The following CDH13 variants were observed in gnomAD, a reference collection of about 807,000 sequenced individuals.
CDH13 encodes cadherin 13.
A neutral mutation model predicts 63.8 loss-of-function variants in CDH13; 24 were observed. The observed-to-expected ratio is 0.38, with a 90% confidence interval of 0.27 to 0.53. CDH13 has a LOEUF of 0.53. Ranked by LOEUF, CDH13 falls within the 20% of genes least tolerant of loss-of-function variation. The probability of loss-of-function intolerance (pLI) is 0.85; values close to 1 mark genes in which losing one functional copy is unlikely to be tolerated. For synonymous variants in CDH13, 503 were observed against 355.3 expected, an observed-to-expected ratio of 1.42 and a Z score of -4.67; for missense variants, 1,049 against 903.1, an observed-to-expected ratio of 1.16 and a Z score of -2.07.
intron 2 of CDH13, among the ~76,000 whole-genome samples, chr16:82,973,880 T>C (rs1294245229): frequency 6.6e-6 from 1 of 152,174 alleles, no homozygotes; most frequent in East Asian, 1.9e-4. Flanking sequence ...CTGTGTCACA[T>C]ACTCACACAC....
chr16:82,992,118 C>T (rs1911728516), intron 2 of CDH13, among the ~76,000 whole-genome samples: 1 of 152,162 alleles, frequency 6.6e-6, no homozygotes, highest in Non-Finnish European at 1.5e-5. Flanking sequence ...GACATGACTT[C>T]CTCATACTTT....
At chr16:83,102,627 A>G (rs1201910952) in intron 3 of CDH13, among the ~76,000 whole-genome samples, 1 of 152,164 alleles carries the variant, frequency 6.6e-6, no homozygotes, top group Non-Finnish European at 1.5e-5. Context: ...TCACGTTTCA[A>G]CAGGACCGCT....
chr16:83,448,734 C>A (rs1051053593), intron 6 of CDH13, among the ~76,000 whole-genome samples: 4 of 151,994 alleles, frequency 2.6e-5, no homozygotes, highest in Non-Finnish European at 5.9e-5. Flanking sequence ...GCAAGACAGC[C>A]CAGCTGGGGA....
chr16:82,960,239 A>G (rs1262905121), intron 2 of CDH13, among the ~76,000 whole-genome samples: 3 of 152,198 alleles, frequency 2.0e-5, no homozygotes, highest in African/African-American at 4.8e-5. Context: ...GATAAGGGAC[A>G]TATATTGATG....
chr16:83,688,769 C>G (rs1904562398), intron 10 of CDH13, among the ~76,000 whole-genome samples: 1 of 152,086 alleles, frequency 6.6e-6, no homozygotes, highest in Admixed American at 6.5e-5. Context: ...ATTTTATTGC[C>G]TATTCTGCTG....
chr16:83,117,371 C>A (rs145992487), intron 3 of CDH13, among the ~76,000 whole-genome samples: 2 of 150,712 alleles, frequency 1.3e-5, no homozygotes, highest in East Asian at 4.0e-4. Context: ...TCCTCCTGCC[C>A]CCTTGGCCCA....
chr16:83,257,544 C>G (rs141111334), intron 5 of CDH13, among the ~76,000 whole-genome samples: 100 of 152,240 alleles, frequency 6.6e-4, no homozygotes, highest in African/African-American at 2.3e-3. Context: ...CTCCATGAAT[C>G]TGTTAGGAAG....
intron 1 of CDH13, among the ~76,000 whole-genome samples, chr16:82,700,124 A>G (rs1363332196): frequency 6.6e-6 from 1 of 152,254 alleles, no homozygotes; most frequent in Non-Finnish European, 1.5e-5. Context: ...AGCATCAAAG[A>G]CAAATATGGC....
intron 8 of CDH13, among the ~76,000 whole-genome samples, chr16:83,663,988 C>T (rs553154951): frequency 2.5e-4 from 37 of 150,264 alleles, no homozygotes; most frequent in African/African-American, 8.6e-4. Flanking sequence ...AGTAGGACTC[C>T]CATCTCTACA....
chr16:82,967,097 A>G (rs754467984), intron 2 of CDH13, among the ~76,000 whole-genome samples: 9 of 152,172 alleles, frequency 5.9e-5, no homozygotes, highest in Non-Finnish European at 1.3e-4. Context: ...TGAAGATTAT[A>G]GGTTGGTTAG....
intron 2 of CDH13, among the ~76,000 whole-genome samples, chr16:82,987,168 T>A (rs946623797): frequency 2.6e-5 from 4 of 152,166 alleles, no homozygotes; most frequent in African/African-American, 9.7e-5. Flanking sequence ...TGCTCCCTCC[T>A]CTGTGGTCTT....
intron 7 of CDH13, among the ~76,000 whole-genome samples, chr16:83,491,038 A>G (rs1598143577): frequency 6.6e-6 from 1 of 152,216 alleles, no homozygotes; most frequent in African/African-American, 2.4e-5. Context: ...TTAAGTTTGT[A>G]TTATCTCAGA....
chr16:83,014,755 T>TAC (rs1306592465), intron 2 of CDH13, among the ~76,000 whole-genome samples: 3 of 45,044 alleles, frequency 6.7e-5, no homozygotes, highest in African/African-American at 1.8e-4. Flanking sequence ...TATATATATA[T>TAC]ATATATATAT....
chr16:83,673,686 A>G (rs963448672), intron 9 of CDH13, among the ~76,000 whole-genome samples: 2 of 152,216 alleles, frequency 1.3e-5, no homozygotes, highest in Non-Finnish European at 2.9e-5. Context: ...AAATGCTAGC[A>G]TATATAAGAA....
At chr16:83,498,316 C>A (rs533893047) in intron 7 of CDH13, among the ~76,000 whole-genome samples, 1 of 152,174 alleles carries the variant, frequency 6.6e-6, no homozygotes, top group African/African-American at 2.4e-5. Context: ...TGGGCTCATA[C>A]CCTGTCTCTA....
At chr16:83,611,471 C>T (rs994155623) in intron 8 of CDH13, among the ~76,000 whole-genome samples, 1 of 151,920 alleles carries the variant, frequency 6.6e-6, no homozygotes, top group Non-Finnish European at 1.5e-5. Context: ...ATTCTATCCA[C>T]TTTATTAATC....
intron 5 of CDH13, among the ~76,000 whole-genome samples, chr16:83,254,949 CTCTT>C (rs11269178): frequency 0.028 from 187 of 6,704 alleles, no homozygotes; most frequent in African/African-American, 0.033. Flanking sequence ...TTTTCTTTTT[CTCTT>C]TCTTTCTTTC....
intron 7 of CDH13, among the ~76,000 whole-genome samples, chr16:83,534,213 G>A (rs7203215): frequency 0.55 from 83,783 of 152,032 alleles, 23,111 homozygotes; most frequent in Non-Finnish European, 0.58. Flanking sequence ...AATGAAATAT[G>A]CAAAGAGGAG....
At chr16:83,624,344 A>ACC (rs201297295) in intron 8 of CDH13, among the ~76,000 whole-genome samples, 1 of 148,180 alleles carries the variant, frequency 6.7e-6, no homozygotes, top group Non-Finnish European at 1.5e-5. Flanking sequence ...TAACGCCCCC[A>ACC]CCCCTGCCCC....
Sources: allele counts gnomAD v4.1 joint callset (sites outside exome capture counted in the v4.1 genomes callset), GRCh38; gene constraint gnomAD v4.1.1; transcripts MANE v1.5; gene names NCBI Gene and HGNC (gene_info 2026-07-23, HGNC 2026-07-21).